FMN2: variants seen among roughly 807,000 people sequenced by gnomAD.
FMN2 encodes the protein formin-2.
A neutral mutation model predicts 142.3 loss-of-function variants in FMN2; 51 were observed. That is an observed-to-expected ratio of 0.36 (90% CI 0.29 to 0.45). The LOEUF (loss-of-function observed/expected upper bound fraction) is 0.45, where lower values mean the gene tolerates loss of function less well. Ranked by LOEUF, FMN2 falls within the 20% of genes least tolerant of loss-of-function variation. FMN2 has a pLI of 1.00. For synonymous variants in FMN2, 882 were observed against 869.8 expected, an observed-to-expected ratio of 1.01 and a Z score of -0.25; for missense variants, 1,936 against 2,122.8, an observed-to-expected ratio of 0.91 and a Z score of 1.73.
chr1:240,296,438 C>CTTTTTTTTTTTTTTTTTTTTTGTTTTT (rs1669987020), intron 8 of FMN2, among the ~76,000 whole-genome samples: 1 of 46,912 alleles, frequency 2.1e-5, no homozygotes, highest in Non-Finnish European at 3.6e-5. Context: ...TCTTTGAGTG[C>CTTTTTTTTTTTTTTTTTTTTTGTTTTT]TTTTTTTTTT....
intron 16 of FMN2, among the ~76,000 whole-genome samples, chr1:240,466,361 T>C (rs930281458): frequency 2.0e-5 from 3 of 152,316 alleles, no homozygotes; most frequent in Middle Eastern, 3.4e-3. Flanking sequence ...TTTATATAGA[T>C]GTTTCAAAAT....
intron 6 of FMN2, among the ~76,000 whole-genome samples, chr1:240,239,096 G>A (rs1035165443): frequency 3.3e-5 from 5 of 152,106 alleles, no homozygotes; most frequent in East Asian, 1.9e-4. Context: ...CTTGAGTTTC[G>A]TTCACTTTAC....
At chr1:240,382,393 G>T (rs188758884) in intron 14 of FMN2, among the ~76,000 whole-genome samples, 81 of 152,066 alleles carry the variant, frequency 5.3e-4, no homozygotes, top group African/African-American at 1.8e-3. Flanking sequence ...TTAAAATACC[G>T]GCTGGGCCTG....
intron 2 of FMN2, among the ~76,000 whole-genome samples, chr1:240,134,869 T>C (rs892958675): frequency 1.3e-5 from 2 of 152,134 alleles, no homozygotes; most frequent in African/African-American, 4.8e-5. Flanking sequence ...CCCACATCTT[T>C]CTGGATGGAG....
intron 14 of FMN2, among the ~76,000 whole-genome samples, chr1:240,376,519 A>G (rs1387372965): frequency 6.6e-6 from 1 of 152,132 alleles, no homozygotes; most frequent in Non-Finnish European, 1.5e-5. Flanking sequence ...TTCAACAAAA[A>G]AGGGATGTTC....
At chr1:240,161,201 T>TGTGCTTTA in intron 2 of FMN2, among the ~76,000 whole-genome samples, 1 of 152,264 alleles carries the variant, frequency 6.6e-6, no homozygotes, top group Non-Finnish European at 1.5e-5. Context: ...TGCGTGCTTG[T>TGTGCTTTA]GTGCTTTAGT....
intron 6 of FMN2, among the ~76,000 whole-genome samples, chr1:240,218,975 G>A (rs964594388): frequency 6.6e-6 from 1 of 152,138 alleles, no homozygotes; most frequent in Non-Finnish European, 1.5e-5. Flanking sequence ...TAAAGGCTGT[G>A]TGGAGGAGAT....
At chr1:240,361,095 A>C (rs1438042509) in intron 14 of FMN2, among the ~76,000 whole-genome samples, 2 of 148,042 alleles carry the variant, frequency 1.4e-5, no homozygotes, top group Admixed American at 6.8e-5. Flanking sequence ...CATTGTGCAC[A>C]TGTACCCTAG....
At chr1:240,334,363 A>G in intron 13 of FMN2, 134 bp downstream of exon 13, 1 of 1,063,948 alleles carries the variant, frequency 9.4e-7, no homozygotes, top group African/African-American at 1.6e-5. Flanking sequence ...GTGGCGAAAG[A>G]ACAATTTTGC....
intron 15 of FMN2, among the ~76,000 whole-genome samples, chr1:240,403,411 G>A (rs1015488774): frequency 1.3e-5 from 2 of 152,138 alleles, no homozygotes; most frequent in Admixed American, 6.5e-5. Flanking sequence ...AGGCAGGCAG[G>A]TCACCTGAGG....
Position 240,159,970 on chromosome 1 carries a change from T to TACACACACAC in FMN2, c.1783-17950_1783-17949insCACACACACA, listed in dbSNP as rs1221510945. Among the ~76,000 whole-genome samples the TACACACACAC allele has an allele frequency of 5.3e-3, 599 of 113,898 alleles. 7 individuals are homozygous for TACACACACAC. The highest frequency in any genetic ancestry group is 0.02 in the African/African-American group (575 of 28,774). 74.7% of individuals were successfully genotyped at this position (113,898 alleles called of 152,430 possible). A position where few individuals can be genotyped will look rare whatever the true frequency, so the allele number is the denominator to read the frequency against. On this transcript the variant is annotated intron_variant, in intron 2 of 17. Coordinates refer to ENST00000319653, the MANE Select transcript of FMN2 (RefSeq NM_020066.5). ...ATATATCTATATCTGTGTATATATA[T>TACACACACAC]ATATACACACACACACACACACACA...
At chr1:240,096,751 G>A (rs983007671) in intron 1 of FMN2, among the ~76,000 whole-genome samples, 3 of 152,082 alleles carry the variant, frequency 2.0e-5, no homozygotes, top group African/African-American at 7.2e-5. Flanking sequence ...GATGTTTTTC[G>A]CTTTTTACCG....
intron 15 of FMN2, among the ~76,000 whole-genome samples, chr1:240,402,943 G>A (rs908463802): frequency 6.6e-6 from 1 of 152,072 alleles, no homozygotes; most frequent in Non-Finnish European, 1.5e-5. Flanking sequence ...TATATTTTCA[G>A]GTGAAATTGA....
intron 6 of FMN2, among the ~76,000 whole-genome samples, chr1:240,256,046 T>C (rs1051127226): frequency 6.6e-6 from 1 of 152,074 alleles, no homozygotes; most frequent in African/African-American, 2.4e-5. Context: ...GTCAATACTA[T>C]AGGGAGGTCG....
intron 7 of FMN2, among the ~76,000 whole-genome samples, chr1:240,283,256 A>G (rs1669477619): frequency 6.6e-6 from 1 of 152,184 alleles, no homozygotes; most frequent in Non-Finnish European, 1.5e-5. Context: ...TATCCACCAC[A>G]GATTATAGAT....
chr1:240,362,645 T>C (rs1289668469), intron 14 of FMN2, among the ~76,000 whole-genome samples: 1 of 152,224 alleles, frequency 6.6e-6, no homozygotes, highest in African/African-American at 2.4e-5. Flanking sequence ...CTGCTCATGT[T>C]GAAGTCACTG....
intron 13 of FMN2, among the ~76,000 whole-genome samples, chr1:240,335,255 C>CCACGGA: frequency 6.6e-6 from 1 of 152,244 alleles, no homozygotes; most frequent in African/African-American, 2.4e-5. Flanking sequence ...TTGAAGAGGG[C>CCACGGA]TGAAATTCTG....
At chr1:240,158,943 T>C (rs560199070) in intron 2 of FMN2, among the ~76,000 whole-genome samples, 2 of 152,302 alleles carry the variant, frequency 1.3e-5, no homozygotes, top group South Asian at 4.1e-4. Flanking sequence ...AATATTTATA[T>C]ATAGTCTTTT....
chr1:240,208,801 C>T (rs780627989), intron 5 of FMN2, 69 bp downstream of exon 5: 56 of 1,498,226 alleles, frequency 3.7e-5, no homozygotes, highest in Middle Eastern at 1.8e-4. Context: ...CCTTCAAACT[C>T]GGGAAAATTA....
Sources: gnomAD v4.1 joint callset for allele counts (sites outside exome capture counted in the v4.1 genomes callset) on GRCh38, gnomAD v4.1.1 for gene constraint, MANE v1.5 for transcripts, NCBI Gene and HGNC (gene_info 2026-07-23, HGNC 2026-07-21) for gene names.